The following PLCXD3 variants were observed in gnomAD, a reference collection of about 807,000 sequenced individuals.
The protein encoded by PLCXD3 is PI-PLC X domain-containing protein 3.
PLCXD3 carries 19 observed loss-of-function variants against 25.5 expected under a neutral mutation model. The ratio of observed to expected loss-of-function variants is 0.75; its 90% CI spans 0.52 to 1.09. The LOEUF (loss-of-function observed/expected upper bound fraction) is 1.09. Among genes scored for constraint, PLCXD3 ranks in the 50% least tolerant of loss-of-function variants. PLCXD3 has a pLI of 0.00. For synonymous variants in PLCXD3, 174 were observed against 137.6 expected (o/e 1.26, Z -1.85); for missense variants, 411 against 388.1 (o/e 1.06, Z -0.50).
chr5:41,435,468 A>T (rs116720429), intron 1 of PLCXD3, among the ~76,000 whole-genome samples: 1 of 152,284 alleles, frequency 6.6e-6, no homozygotes, highest in Non-Finnish European at 1.5e-5. Context: ...CCACATGGAC[A>T]CTGGCAGCTG....
chr5:41,484,176 T>G (rs536721547), intron 1 of PLCXD3, among the ~76,000 whole-genome samples: 2 of 152,082 alleles, frequency 1.3e-5, no homozygotes, highest in South Asian at 2.1e-4. Context: ...TTTTCAAAAC[T>G]TAAGCAGATT....
intron 1 of PLCXD3, among the ~76,000 whole-genome samples, chr5:41,393,327 AT>A (rs1745894555): frequency 6.6e-6 from 1 of 152,210 alleles, no homozygotes; most frequent in South Asian, 2.1e-4. Flanking sequence ...AAGAAAAAAA[AT>A]AAATAACATG....
intron 1 of PLCXD3, among the ~76,000 whole-genome samples, chr5:41,455,551 A>C (rs1747733992): frequency 6.6e-6 from 1 of 151,930 alleles, no homozygotes; most frequent in Non-Finnish European, 1.5e-5. Flanking sequence ...AGAACCCAGA[A>C]ACTGAAGAGA....
At chr5:41,424,220 A>G (rs1746895470) in intron 1 of PLCXD3, among the ~76,000 whole-genome samples, 2 of 151,852 alleles carry the variant, frequency 1.3e-5, no homozygotes, top group African/African-American at 4.8e-5. Context: ...TACTTTATAT[A>G]TTTTTCTTTT....
chr5:41,409,974 C>T (rs998722288), intron 1 of PLCXD3, among the ~76,000 whole-genome samples: 4 of 152,120 alleles, frequency 2.6e-5, no homozygotes, highest in Admixed American at 2.6e-4. Flanking sequence ...AGTAGGTTTT[C>T]ACCAAATGAA....
Position 41,312,556 on chromosome 5 carries a change from T to A in PLCXD3, c.*1061A>T, listed in dbSNP as rs1743158964. ...TCTTCTTCCTTCCTCTCTTCCTCCC[T>A]CCCTCCCTCTCTTCCTCCCTCCCTC... On this transcript the variant is annotated 3_prime_UTR_variant, in exon 3 of 3. Coordinates refer to ENST00000377801, the MANE Select transcript of PLCXD3 (RefSeq NM_001005473.3). 6.6e-6 allele frequency: 1 copy of A among 151,076 alleles called. No homozygotes were observed. The highest frequency in any genetic ancestry group is 1.5e-5 in the Non-Finnish European group (1 of 67,818). 9.4% of individuals were successfully genotyped at this position (151,076 alleles called of 1,614,324 possible). A position where few individuals can be genotyped will look rare whatever the true frequency, so the allele number is the denominator to read the frequency against.
chr5:41,456,628 T>C lies in PLCXD3; in HGVS notation c.103+53796A>G, dbSNP rs1455531369. ...ATATGTTGAAATCTGTTCCCTAATG[T>C]GAGGGTATTTGGAGGTTGGGCCTTT... On this transcript the variant is annotated intron_variant, in intron 1 of 2. Transcript: ENST00000377801. The C allele has an allele frequency of 6.2e-6, 4 of 646,016 alleles. No homozygotes were observed. The East Asian group carries it at 5.5e-4, about 89-fold the overall frequency. 40.0% of individuals were successfully genotyped at this position (646,016 alleles called of 1,614,324 possible).
chr5:41,379,973 C>T (rs1437716925), intron 2 of PLCXD3, among the ~76,000 whole-genome samples: 1 of 152,028 alleles, frequency 6.6e-6, no homozygotes, highest in Non-Finnish European at 1.5e-5. Context: ...AGGAACAGAG[C>T]AGTCCCGGCT....
At chr5:41,363,771 C>A (rs142291687) in intron 2 of PLCXD3, among the ~76,000 whole-genome samples, 2 of 152,332 alleles carry the variant, frequency 1.3e-5, no homozygotes, top group African/African-American at 4.8e-5. Flanking sequence ...GGACTTATCC[C>A]TGACTAAAAT....
chr5:41,466,006 C>T (rs1049931781), intron 1 of PLCXD3, among the ~76,000 whole-genome samples: 1 of 152,016 alleles, frequency 6.6e-6, no homozygotes, highest in Non-Finnish European at 1.5e-5. Context: ...CCTTTGCAAA[C>T]ACAAAGAGAA....
At chr5:41,435,564 G>A (rs1381444111) in intron 1 of PLCXD3, among the ~76,000 whole-genome samples, 2 of 152,174 alleles carry the variant, frequency 1.3e-5, no homozygotes, top group African/African-American at 4.8e-5. Context: ...CTTGCCCTGA[G>A]CAATCTTGGA....
chr5:41,352,127 C>T (rs1307525563), intron 2 of PLCXD3, among the ~76,000 whole-genome samples: 5 of 149,074 alleles, frequency 3.4e-5, no homozygotes, highest in Non-Finnish European at 7.5e-5. Context: ...AAATAAAGAA[C>T]TGTGTTTCCT....
chr5:41,509,647 C>A (rs1167797815), intron 1 of PLCXD3, among the ~76,000 whole-genome samples: 3 of 152,254 alleles, frequency 2.0e-5, no homozygotes, highest in Non-Finnish European at 4.4e-5. Flanking sequence ...CCCCTCCGCT[C>A]AGGTCACGCA....
At chr5:41,360,017 C>A (rs996626862) in intron 2 of PLCXD3, among the ~76,000 whole-genome samples, 3 of 152,010 alleles carry the variant, frequency 2.0e-5, no homozygotes, top group Non-Finnish European at 4.4e-5. Flanking sequence ...CTTCTCGGAG[C>A]CTTTGTTCAT....
rs10077718 is a variant in PLCXD3, at chr5:41,381,206, A to G, written c.812+620T>C. Among the ~76,000 whole-genome samples the G allele has an allele frequency of 2.8e-3, 419 of 152,282 alleles. 4 individuals carry two copies. Among genetic ancestry groups the G allele is most frequent in the African/African-American group, 9.6e-3 (399 of 41,578 alleles). ...AAAAGACTCTGCAAATGGTAGAGAAAGGATATTGCAATCTATAAAGCACTA... is the reference window on the plus strand; with the variant it reads ...AAAAGACTCTGCAAATGGTAGAGAAGGGATATTGCAATCTATAAAGCACTA... On this transcript the variant is annotated intron_variant, in intron 2 of 2. Coordinates refer to ENST00000377801, the MANE Select transcript of PLCXD3 (RefSeq NM_001005473.3).
At chr5:41,371,478 C>T (rs1374034995) in intron 2 of PLCXD3, among the ~76,000 whole-genome samples, 1 of 152,156 alleles carries the variant, frequency 6.6e-6, no homozygotes, top group African/African-American at 2.4e-5. Flanking sequence ...ATGGATTAGG[C>T]TTGTTGAAAT....
rs575573990 is a variant in PLCXD3, at chr5:41,433,584, C to T, written c.104-51050G>A. On this transcript the variant is annotated intron_variant, in intron 1 of 2. Transcript: ENST00000377801. ...CTGAGAGCAATTGTATAGATTTTTC[C>T]ATGTTTGCTCAGGCACAGGAGAAAT... is the stretch of plus-strand genomic sequence containing the variant. 3.9e-5 allele frequency among the ~76,000 whole-genome samples: 6 copies of T among 152,204 alleles called. No homozygotes were observed. The South Asian group carries it at 8.3e-4, about 21-fold the overall frequency.
intron 1 of PLCXD3, among the ~76,000 whole-genome samples, chr5:41,491,316 TG>T (rs1442846043): frequency 6.6e-6 from 1 of 152,234 alleles, no homozygotes; most frequent in Admixed American, 6.5e-5. Flanking sequence ...TTATAATTTC[TG>T]ATCTTTTACA....
At chr5:41,375,279 A>G (rs1012534548) in intron 2 of PLCXD3, among the ~76,000 whole-genome samples, 1 of 152,112 alleles carries the variant, frequency 6.6e-6, no homozygotes, top group Non-Finnish European at 1.5e-5. Context: ...CCAGGGCACC[A>G]TGCAGTGTTG....
Sources: allele counts gnomAD v4.1 joint callset (sites outside exome capture counted in the v4.1 genomes callset), GRCh38; gene constraint gnomAD v4.1.1; transcripts MANE v1.5; gene names NCBI Gene and HGNC (gene_info 2026-07-23, HGNC 2026-07-21).